SCYL3: variants seen among roughly 807,000 people sequenced by gnomAD.
The protein encoded by SCYL3 is protein-associating with the carboxyl-terminal domain of ezrin.
In SCYL3, 35 loss-of-function variants were observed where a neutral mutation model predicts 73.8. The observed-to-expected ratio is 0.47, with a 90% confidence interval of 0.36 to 0.63. The LOEUF is 0.63. Ranked by LOEUF, SCYL3 falls within the 20% of genes least tolerant of loss-of-function variation. SCYL3 has a pLI of 0.00. For synonymous variants in SCYL3, 277 were observed against 295.2 expected (o/e 0.94, Z 0.63); for missense variants, 712 against 798.9 (o/e 0.89, Z 1.31).
chr1:169,887,932 A>G (rs1661797909), intron 2 of SCYL3, among the ~76,000 whole-genome samples: 2 of 152,248 alleles, frequency 1.3e-5, no homozygotes, highest in Non-Finnish European at 2.9e-5. Context: ...AAGGTAATAG[A>G]GATTATAATT....
chr1:169,879,613 A>C (rs1273772164), intron 2 of SCYL3, among the ~76,000 whole-genome samples: 2 of 152,230 alleles, frequency 1.3e-5, no homozygotes, highest in East Asian at 3.9e-4. Context: ...ATAACAGAGC[A>C]AAGAGTTATG....
Position 169,878,737 on chromosome 1 carries a change from T to C in SCYL3, c.248A>G (p.Glu83Gly). 6.2e-7 allele frequency: 1 copy of C among 1,614,144 alleles called. No individual in the cohort carries two copies. Among genetic ancestry groups the C allele is most frequent in the Non-Finnish European group, 8.5e-7 (1 of 1,180,020 alleles). ...AGCCACTTCCAGGGGCTGTACTCGC[T>C]CAGTGACAAGATGAATGCCATCCGC... ...VEADGIHLVT[E>G]RVQPLEVALE... The change falls in exon 3 of 13, where the codon GAG (glutamate) becomes GGG (glycine). Residue 83 changes from glutamate to glycine, a missense_variant. Around this residue, in one of 2 missense-constraint regions of SCYL3, gnomAD observed 342 missense variants for 448.1 expected, o/e 0.76. Coordinates refer to ENST00000367771, the MANE Select transcript of SCYL3 (RefSeq NM_020423.7).
Position 169,853,700 on chromosome 1 carries a change from C to CTCACA in SCYL3, c.*8_*12dup. On this transcript the variant is annotated 3_prime_UTR_variant, in exon 13 of 13. Coordinates refer to ENST00000367771, the MANE Select transcript of SCYL3 (RefSeq NM_020423.7). ...GGGAATCCTTTTTCCTAAAGTTTAA[C>CTCACA]TCACATCTATTGTCACCAGTTATTA... is the stretch of plus-strand genomic sequence containing the variant. The CTCACA allele has an allele frequency of 3.7e-6, 6 of 1,611,622 alleles. No homozygotes were observed. The highest frequency in any genetic ancestry group is 5.1e-6 in the Non-Finnish European group (6 of 1,178,792).
chr1:169,871,088 CTAGAGA>C (rs1214919154), intron 5 of SCYL3, among the ~76,000 whole-genome samples: 1 of 152,062 alleles, frequency 6.6e-6, no homozygotes, highest in Non-Finnish European at 1.5e-5. Flanking sequence ...TAATGGGCAG[CTAGAGA>C]TAGATGAATG....
intron 2 of SCYL3, among the ~76,000 whole-genome samples, chr1:169,879,809 A>ACTTTTCCT (rs1661117383): frequency 6.6e-6 from 1 of 152,234 alleles, no homozygotes; most frequent in Non-Finnish European, 1.5e-5. Context: ...GAGATAAAGG[A>ACTTTTCCT]AAAGTTATAA....
chr1:169,886,007 T>C (rs948018766), intron 2 of SCYL3, among the ~76,000 whole-genome samples: 16 of 151,902 alleles, frequency 1.1e-4, no homozygotes, highest in African/African-American at 3.6e-4. Context: ...GGGCAAAAAA[T>C]AATTTCTTAA....
chr1:169,889,003 GGACATTT>G (rs2102216973), intron 1 of SCYL3, 113 bp from the exon 2 acceptor site: 1 of 517,888 alleles, frequency 1.9e-6, no homozygotes. Context: ...CTCATAACTA[GGACATTT>G]GACAGTAAAA....
At chr1:169,892,136 T>C (rs1662129214) in intron 1 of SCYL3, among the ~76,000 whole-genome samples, 1 of 152,180 alleles carries the variant, frequency 6.6e-6, no homozygotes, top group Admixed American at 6.5e-5. Context: ...CAAACTTTAT[T>C]GGGGGAAAAT....
chr1:169,876,731 A>G (rs977328594), intron 3 of SCYL3, among the ~76,000 whole-genome samples: 1 of 152,084 alleles, frequency 6.6e-6, no homozygotes, highest in Non-Finnish European at 1.5e-5. Flanking sequence ...CGAGGCAGGC[A>G]GATCATGAGG....
At chr1:169,855,796 C>T (rs746969247) in intron 11 of SCYL3, 1 of 1,610,424 alleles carries the variant, frequency 6.2e-7, no homozygotes. Context: ...ATATTTCTAC[C>T]TGTCTGTAAA....
At chr1:169,855,544 A>C (rs1659053618) in intron 11 of SCYL3, among the ~76,000 whole-genome samples, 1 of 152,222 alleles carries the variant, frequency 6.6e-6, no homozygotes, top group South Asian at 2.1e-4. Flanking sequence ...TGCTGCACTA[A>C]GGCAACAAAA....
chr1:169,854,479 C>A lies in SCYL3; in HGVS notation c.1798G>T (p.Gly600Cys). 6.2e-7 allele frequency: 1 copy of A among 1,614,062 alleles called. No individual in the cohort carries two copies. Among genetic ancestry groups the A allele is most frequent in the Non-Finnish European group, 8.5e-7 (1 of 1,179,982 alleles). ...ERPLKVPSEL[G>C]LGEEFTIQVK... Reference sequence around the variant, plus strand: ...TGAATGGTGAATTCCTCTCCTAAACCAAGTTCTGATGGAACCTTAAGGGGC... The same window carrying A: ...TGAATGGTGAATTCCTCTCCTAAACAAAGTTCTGATGGAACCTTAAGGGGC... The change falls in exon 12 of 13, where the codon GGT becomes TGT. Residue 600 changes from glycine (G) to cysteine (C), a missense_variant. Physicochemically the swap from Gly to Cys is radical, Grantham distance 159. This residue lies in a region of SCYL3 where 370 missense variants were observed against 350.8 expected (regional missense o/e 1.05). Transcript: ENST00000367771.
chr1:169,874,232 T>C (rs1660631507), intron 4 of SCYL3, among the ~76,000 whole-genome samples: 1 of 152,148 alleles, frequency 6.6e-6, no homozygotes, highest in Non-Finnish European at 1.5e-5. Context: ...AGAATAAGCA[T>C]ATTAATTTGC....
chr1:169,876,088 G>A lies in SCYL3; in HGVS notation c.355C>T (p.His119Tyr). Residue 119 changes from histidine (H) to tyrosine (Y), a missense_variant, in exon 4 of 13, where the codon CAC becomes TAC. By Grantham distance (83) the His-to-Tyr change is moderately conservative (BLOSUM62 2). Around this residue, in one of 2 missense-constraint regions of SCYL3, gnomAD observed 342 missense variants for 448.1 expected, o/e 0.76. Coordinates refer to ENST00000367771, the MANE Select transcript of SCYL3 (RefSeq NM_020423.7). ...AAACAGACATTATTGTGTGTTAGGT[G>A]TCCCTGGAAAAAAAAAAGAACAGAA... Reference protein sequence around the residue: ...LALIFLHDRGHLTHNNVCLSS... With the variant: ...LALIFLHDRGYLTHNNVCLSS... The A allele has an allele frequency of 6.4e-7, 1 of 1,557,866 alleles. No individual in the cohort carries two copies. Among genetic ancestry groups the A allele is most frequent in the South Asian group, 1.2e-5 (1 of 82,868 alleles).
intron 10 of SCYL3, among the ~76,000 whole-genome samples, chr1:169,861,009 C>T (rs1282473022): frequency 2.0e-5 from 3 of 152,200 alleles, no homozygotes; most frequent in Non-Finnish European, 4.4e-5. Context: ...TGACCTCAGT[C>T]CAATTCTGAG....
chr1:169,876,722 G>A (rs547947295), intron 3 of SCYL3, among the ~76,000 whole-genome samples: 2 of 151,950 alleles, frequency 1.3e-5, no homozygotes, highest in Non-Finnish European at 2.9e-5. Context: ...TTGGGAGGTC[G>A]AGGCAGGCAG....
At position 169,853,400 on chromosome 1, in the gene SCYL3, C is replaced by G. The variant is rs1443523197; in HGVS notation, c.*313G>C. 2 of 359,244 alleles carry G rather than the reference C, an allele frequency of 5.6e-6. No homozygotes were observed. 22.3% of individuals were successfully genotyped at this position (359,244 alleles called of 1,614,324 possible). A position where few individuals can be genotyped will look rare whatever the true frequency, so the allele number is the denominator to read the frequency against. ...AGCTTGAATTACATTTTCTTTACTTCCAGAATTGTCCTGGAAAAAGCAGTA... is the reference window on the plus strand; with the variant it reads ...AGCTTGAATTACATTTTCTTTACTTGCAGAATTGTCCTGGAAAAAGCAGTA... On this transcript the variant is annotated 3_prime_UTR_variant, in exon 13 of 13. Coordinates refer to ENST00000367771, the MANE Select transcript of SCYL3 (RefSeq NM_020423.7).
At position 169,851,006 on chromosome 1, in the gene SCYL3, T is replaced by A. The variant is rs1430296148; in HGVS notation, c.*2707A>T. On this transcript the variant is annotated 3_prime_UTR_variant, in exon 13 of 13. Coordinates refer to ENST00000367771, the MANE Select transcript of SCYL3 (RefSeq NM_020423.7). ...TTTTTTTTTTTTTTTTTTTTTTTTT[T>A]ATTTGGGCAGCCTCCCAAGCCAGGG... is the stretch of plus-strand genomic sequence containing the variant. 1.7e-3 allele frequency: 55 copies of A among 33,160 alleles called. No individual in the cohort carries two copies. Among genetic ancestry groups the A allele is most frequent in the Non-Finnish European group, 2.9e-3 (53 of 18,108 alleles). 2.1% of individuals were successfully genotyped at this position (33,160 alleles called of 1,614,324 possible).
At chr1:169,878,956 A>C in intron 2 of SCYL3, 137 bp from the exon 3 acceptor site, 2 of 648,364 alleles carry the variant, frequency 3.1e-6, no homozygotes, top group East Asian at 5.6e-5. Flanking sequence ...CTCCCTACCC[A>C]CTATATTTCA....
Sources: allele counts gnomAD v4.1 joint callset (sites outside exome capture counted in the v4.1 genomes callset), GRCh38; gene constraint gnomAD v4.1.1; regional missense constraint gnomAD v4.1.1; transcripts MANE v1.5; gene names NCBI Gene and HGNC (gene_info 2026-07-23, HGNC 2026-07-21).